The following MECOM variants were observed in gnomAD, a reference collection of about 807,000 sequenced individuals.
MECOM encodes MDS1 and EVI1 complex locus.
In MECOM, 13 loss-of-function variants were observed where a neutral mutation model predicts 116.3. The observed-to-expected ratio is 0.11, with a 90% CI of 0.07 to 0.18. The LOEUF (loss-of-function observed/expected upper bound fraction) is 0.18, where lower values mean the gene tolerates loss of function less well. Ranked by LOEUF, MECOM falls within the 10% of genes least tolerant of loss-of-function variation. The probability of loss-of-function intolerance (pLI) is 1.00; values close to 1 mark genes in which losing one functional copy is unlikely to be tolerated. For synonymous variants in MECOM, 528 were observed against 535.2 expected (o/e 0.99, Z 0.19); for missense variants, 1,299 against 1,509.0 (o/e 0.86, Z 2.31).
intron 1 of MECOM, among the ~76,000 whole-genome samples, chr3:169,517,325 T>C (rs904090083): frequency 2.0e-5 from 3 of 152,226 alleles, no homozygotes; most frequent in African/African-American, 4.8e-5. Flanking sequence ...GTTGGGCTTA[T>C]GATCTTCTAG....
chr3:169,436,900 C>T (rs186210530), intron 1 of MECOM, among the ~76,000 whole-genome samples: 5 of 152,036 alleles, frequency 3.3e-5, no homozygotes, highest in South Asian at 2.1e-4. Context: ...TGAGCTTGAA[C>T]GACATAACAG....
chr3:169,663,645 A>C lies in MECOM; in HGVS notation c.-273T>G, dbSNP rs913773556. The C allele has an allele frequency of 1.8e-6, 1 of 545,988 alleles. No individual in the cohort carries two copies. The highest frequency in any genetic ancestry group is 3.3e-6 in the Non-Finnish European group (1 of 307,192). The allele number at this position is 545,988 out of a possible 1,614,324, so 33.8% of individuals were successfully genotyped here. A position where few individuals can be genotyped will look rare whatever the true frequency, so the allele number is the denominator to read the frequency against. On this transcript the variant is annotated 5_prime_UTR_variant, in exon 1 of 17. An upstream open reading frame in the 5' UTR loses its in-frame stop. Transcript: ENST00000651503. ...CCCTTTCTCTCAATCCACACTCGCT[A>C]TCTCTCCAGCATTGTCAGTTTGGAC...
chr3:169,489,198 A>G (rs1303010868), intron 1 of MECOM, among the ~76,000 whole-genome samples: 1 of 152,208 alleles, frequency 6.6e-6, no homozygotes, highest in East Asian at 1.9e-4. Flanking sequence ...AGCAAATCTG[A>G]ATGTAACCAT....
intron 9 of MECOM, among the ~76,000 whole-genome samples, chr3:169,110,737 C>T (rs1402095438): frequency 2.0e-5 from 3 of 152,078 alleles, no homozygotes; most frequent in Non-Finnish European, 2.9e-5. Flanking sequence ...GTATTCATGA[C>T]GCATCAGGTT....
chr3:169,270,939 G>A (rs544133357), intron 2 of MECOM, among the ~76,000 whole-genome samples: 49 of 152,274 alleles, frequency 3.2e-4, no homozygotes, highest in African/African-American at 1.2e-3. Flanking sequence ...TAAATTTTTT[G>A]TAATACTGCT....
chr3:169,432,369 G>A (rs1427041859), intron 1 of MECOM, among the ~76,000 whole-genome samples: 5 of 152,104 alleles, frequency 3.3e-5, no homozygotes, highest in Non-Finnish European at 5.9e-5. Flanking sequence ...TGTTGGCCAG[G>A]CTGGTCTCGA....
At chr3:169,429,663 T>C (rs1741287458) in intron 1 of MECOM, among the ~76,000 whole-genome samples, 1 of 152,176 alleles carries the variant, frequency 6.6e-6, no homozygotes, top group Admixed American at 6.6e-5. Flanking sequence ...AGTAACAGGT[T>C]TAATGGGTTT....
intron 1 of MECOM, among the ~76,000 whole-genome samples, chr3:169,639,582 T>C (rs1225512228): frequency 6.6e-6 from 1 of 152,186 alleles, no homozygotes; most frequent in Admixed American, 6.5e-5. Flanking sequence ...GCTAATACAT[T>C]CCCTTAATTT....
At chr3:169,159,680 G>A (rs1742551929) in intron 2 of MECOM, among the ~76,000 whole-genome samples, 1 of 152,188 alleles carries the variant, frequency 6.6e-6, no homozygotes, top group African/African-American at 2.4e-5. Context: ...TCATAAAGAA[G>A]TACAGTACTT....
chr3:169,635,002 T>G (rs940765919), intron 1 of MECOM, among the ~76,000 whole-genome samples: 2 of 151,978 alleles, frequency 1.3e-5, no homozygotes, highest in African/African-American at 4.8e-5. Flanking sequence ...GATGGGTGTA[T>G]GGAGGACCAC....
chr3:169,464,509 C>G (rs1265688888), intron 1 of MECOM, among the ~76,000 whole-genome samples: 1 of 151,846 alleles, frequency 6.6e-6, no homozygotes. Context: ...TCATTCATTG[C>G]TTATTACTTT....
At chr3:169,230,416 G>A (rs2149519745) in intron 2 of MECOM, among the ~76,000 whole-genome samples, 1 of 152,210 alleles carries the variant, frequency 6.6e-6, no homozygotes, top group Admixed American at 6.5e-5. Flanking sequence ...CAGGTTAAAA[G>A]TGGGCAGATT....
intron 1 of MECOM, among the ~76,000 whole-genome samples, chr3:169,619,324 G>T (rs1026977594): frequency 6.6e-6 from 1 of 152,078 alleles, no homozygotes; most frequent in African/African-American, 2.4e-5. Flanking sequence ...TAAATCAACC[G>T]CAACACGTCA....
At chr3:169,615,131 T>C (rs1769841230) in intron 1 of MECOM, 1 of 152,216 alleles carries the variant, frequency 6.6e-6, no homozygotes, top group South Asian at 2.1e-4. Context: ...CACAAATACA[T>C]GACCCTATAC....
At chr3:169,363,080 T>C (rs1399174785) in intron 2 of MECOM, among the ~76,000 whole-genome samples, 1 of 151,936 alleles carries the variant, frequency 6.6e-6, no homozygotes, top group Non-Finnish European at 1.5e-5. Context: ...AGCCACAAAA[T>C]ACCGCAGCTC....
At chr3:169,147,424 C>T (rs1740241735) in intron 2 of MECOM, 1 of 985,444 alleles carries the variant, frequency 1.0e-6, no homozygotes, top group Non-Finnish European at 1.2e-6. Context: ...CAGAAAGAAC[C>T]CGGGGCGAGG....
intron 3 of MECOM, among the ~76,000 whole-genome samples, chr3:169,142,108 GTT>G (rs904906498): frequency 5.9e-5 from 9 of 151,988 alleles, no homozygotes; most frequent in African/African-American, 2.2e-4. Context: ...CAGGAAAACA[GTT>G]TCCCTTTGCA....
At chr3:169,170,677 A>T (rs1164895440) in intron 2 of MECOM, among the ~76,000 whole-genome samples, 1 of 152,136 alleles carries the variant, frequency 6.6e-6, no homozygotes, top group Admixed American at 6.5e-5. Context: ...ACAAAGCTTC[A>T]CAGGGAATCC....
At chr3:169,536,626 TAGC>T (rs1759398822) in intron 1 of MECOM, among the ~76,000 whole-genome samples, 1 of 151,986 alleles carries the variant, frequency 6.6e-6, no homozygotes, top group Non-Finnish European at 1.5e-5. Context: ...AAAAACAAAG[TAGC>T]AGGACAACTT....
Sources: gnomAD v4.1 joint callset for allele counts (sites outside exome capture counted in the v4.1 genomes callset) on GRCh38, gnomAD v4.1.1 for gene constraint, MANE v1.5 for transcripts, NCBI Gene and HGNC (gene_info 2026-07-23, HGNC 2026-07-21) for gene names.